PHKB: variants seen among roughly 807,000 people sequenced by gnomAD.
The protein encoded by PHKB is phosphorylase b kinase regulatory subunit beta.
PHKB carries 122 observed loss-of-function variants against 152.1 expected under a neutral mutation model. The observed-to-expected ratio is 0.80, with a 90% CI of 0.69 to 0.93. The LOEUF (loss-of-function observed/expected upper bound fraction) is 0.93, where lower values mean the gene tolerates loss of function less well. Ranked by LOEUF, PHKB falls within the 40% of genes least tolerant of loss-of-function variation. The pLI, the probability that PHKB is intolerant of heterozygous loss-of-function variation, is 0.00. For synonymous variants in PHKB, 436 were observed against 464.9 expected, an observed-to-expected ratio of 0.94 and a Z score of 0.80; for missense variants, 1,304 against 1,328.4, an observed-to-expected ratio of 0.98 and a Z score of 0.29.
intron 28 of PHKB, among the ~76,000 whole-genome samples, chr16:47,694,580 T>TA (rs1308923287): frequency 2.0e-5 from 3 of 151,972 alleles, no homozygotes; most frequent in Non-Finnish European, 4.4e-5. Flanking sequence ...TATTACTTAT[T>TA]AAAAAAAATG....
chr16:47,629,776 G>A (rs1255282702), intron 14 of PHKB, among the ~76,000 whole-genome samples: 2 of 152,258 alleles, frequency 1.3e-5, no homozygotes, highest in Non-Finnish European at 2.9e-5. Flanking sequence ...AACCAACCCA[G>A]ATGTCCAACA....
intron 25 of PHKB, among the ~76,000 whole-genome samples, chr16:47,669,004 A>G (rs1973588716): frequency 6.6e-6 from 1 of 152,028 alleles, no homozygotes; most frequent in African/African-American, 2.4e-5. Flanking sequence ...CTGCCCTTAT[A>G]TTTTAGACTA....
rs1377093420 is a variant in PHKB at position 47,547,655 on chromosome 16, G to A, written c.710+107G>A. ...GGAACTGTGATTCATATGTTAATTT[G>A]TAGCAATTTTTTTCTACCTATGATG... On this transcript the variant is annotated intron_variant, in intron 7 of 30. Transcript: ENST00000323584. 1.5e-5 allele frequency: 11 copies of A among 732,066 alleles called. No individual in the cohort carries two copies. The East Asian group carries it at 1.9e-4, about 13-fold the overall frequency. 45.3% of individuals were successfully genotyped at this position (732,066 alleles called of 1,614,324 possible). A position where few individuals can be genotyped will look rare whatever the true frequency, so the allele number is the denominator to read the frequency against.
intron 1 of PHKB, among the ~76,000 whole-genome samples, chr16:47,469,739 TA>T (rs1318970327): frequency 6.6e-6 from 1 of 152,188 alleles, no homozygotes; most frequent in African/African-American, 2.4e-5. Context: ...CTTGCACGTG[TA>T]CCCCTAAACC....
chr16:47,662,543 G>A (rs1471630079), intron 23 of PHKB, among the ~76,000 whole-genome samples: 3 of 152,196 alleles, frequency 2.0e-5, no homozygotes, highest in African/African-American at 7.2e-5. Context: ...AATACGTATA[G>A]TTCTGGTAAT....
chr16:47,641,797 A>G (rs1973027834), intron 16 of PHKB, 105 bp downstream of exon 16: 2 of 728,624 alleles, frequency 2.7e-6, no homozygotes, highest in African/African-American at 1.7e-5. Context: ...TGATTCTGAT[A>G]TAGGACCAGT....
intron 20 of PHKB, among the ~76,000 whole-genome samples, chr16:47,657,947 C>T (rs1042470325): frequency 6.6e-6 from 1 of 152,170 alleles, no homozygotes; most frequent in Non-Finnish European, 1.5e-5. Context: ...TTGTCCCTCA[C>T]CTAGGTTTCC....
chr16:47,503,231 G>A (rs957572743), intron 4 of PHKB, 141 bp downstream of exon 4: 1 of 691,846 alleles, frequency 1.4e-6, no homozygotes, highest in Admixed American at 2.1e-5. Context: ...TAGGTTAACA[G>A]CCTTTGCCAT....
intron 8 of PHKB, among the ~76,000 whole-genome samples, chr16:47,585,902 T>C (rs1971926687): frequency 6.6e-6 from 1 of 152,210 alleles, no homozygotes; most frequent in South Asian, 2.1e-4. Context: ...TTTTGAAAAT[T>C]TAATTCCAGG....
chr16:47,622,632 T>C (rs949664654), intron 14 of PHKB, among the ~76,000 whole-genome samples: 1 of 152,222 alleles, frequency 6.6e-6, no homozygotes, highest in Admixed American at 6.5e-5. Context: ...AAGCTTTGAA[T>C]CTGTGAAGTA....
At chr16:47,633,478 G>A (rs1300490276) in intron 14 of PHKB, among the ~76,000 whole-genome samples, 1 of 152,136 alleles carries the variant, frequency 6.6e-6, no homozygotes, top group Non-Finnish European at 1.5e-5. Flanking sequence ...CCTTCCAAAG[G>A]CATGGCATGA....
At chr16:47,466,735 T>C (rs1322399363) in intron 1 of PHKB, among the ~76,000 whole-genome samples, 1 of 152,230 alleles carries the variant, frequency 6.6e-6, no homozygotes, top group Middle Eastern at 3.2e-3. Flanking sequence ...AACAAAACTT[T>C]CAATTGTATA....
At chr16:47,499,696 T>C in intron 2 of PHKB, 60 bp from the exon 3 acceptor site, 2 of 1,602,680 alleles carry the variant, frequency 1.2e-6, no homozygotes, top group Non-Finnish European at 1.7e-6. Context: ...GATTAAAACA[T>C]TTAGCCCAAG....
Position 47,503,557 on chromosome 16 carries a change from G to A in PHKB, c.405+467G>A, listed in dbSNP as rs7186511. ...TAGAAAACAGCTTTACAGGCCAGGC[G>A]CAGTGGCTCACGCCTGTAATCCCAG... On this transcript the variant is annotated intron_variant, in intron 4 of 30. Coordinates refer to ENST00000323584, the MANE Select transcript of PHKB (RefSeq NM_000293.3). 1.7e-3 allele frequency among the ~76,000 whole-genome samples: 258 copies of A among 152,244 alleles called. 2 individuals are homozygous for A. Among genetic ancestry groups the A allele is most frequent in the African/African-American group, 5.9e-3 (244 of 41,534 alleles).
chr16:47,566,987 AC>A (rs1971580520), intron 7 of PHKB: 2 of 464,890 alleles, frequency 4.3e-6, no homozygotes, highest in Admixed American at 3.6e-5. Flanking sequence ...TGTTTTAGTT[AC>A]TATAGCCTTG....
chr16:47,648,467 TA>T, intron 16 of PHKB, 65 bp from the exon 17 acceptor site: 2 of 1,076,286 alleles, frequency 1.9e-6, no homozygotes, highest in Non-Finnish European at 2.9e-6. Context: ...AACAGGACAA[TA>T]CTCAGGGGTG....
At chr16:47,621,535 A>G (rs563456378) in intron 14 of PHKB, among the ~76,000 whole-genome samples, 1 of 152,308 alleles carries the variant, frequency 6.6e-6, no homozygotes, top group East Asian at 1.9e-4. Flanking sequence ...AGTGTGTTCT[A>G]ATGCTCTCAA....
At chr16:47,631,530 C>G (rs1488113345) in intron 14 of PHKB, among the ~76,000 whole-genome samples, 1 of 152,150 alleles carries the variant, frequency 6.6e-6, no homozygotes, top group African/African-American at 2.4e-5. Context: ...GCAGAATATG[C>G]AGGTTTGTTA....
intron 8 of PHKB, among the ~76,000 whole-genome samples, chr16:47,583,837 G>GT (rs1971890394): frequency 2.0e-5 from 3 of 152,050 alleles, no homozygotes; most frequent in Non-Finnish European, 4.4e-5. Context: ...CTCTTAAGCT[G>GT]TTTTTTGCTT....
Sources: allele counts gnomAD v4.1 joint callset (sites outside exome capture counted in the v4.1 genomes callset), GRCh38; gene constraint gnomAD v4.1.1; transcripts MANE v1.5; gene names NCBI Gene and HGNC (gene_info 2026-07-23, HGNC 2026-07-21).